The following ADAMTSL1 variants were observed in gnomAD, a reference collection of about 807,000 sequenced individuals.
The protein encoded by ADAMTSL1 is ADAMTS like 1, also known as ADAMTS-like protein 1.
A neutral mutation model predicts 201.8 loss-of-function variants in ADAMTSL1; 126 were observed. That is an observed-to-expected ratio of 0.62 (90% CI 0.54 to 0.72). The LOEUF (loss-of-function observed/expected upper bound fraction) is 0.72, where lower values mean the gene tolerates loss of function less well. ADAMTSL1 is among the 30% of genes least tolerant of loss of function. The pLI, the probability that ADAMTSL1 is intolerant of heterozygous loss-of-function variation, is 0.00. For synonymous variants in ADAMTSL1, 1,121 were observed against 903.4 expected (o/e 1.24, Z -4.32); for missense variants, 2,679 against 2,277.8 (o/e 1.18, Z -3.59).
At chr9:18,654,646 T>C (rs578222128) in intron 7 of ADAMTSL1, among the ~76,000 whole-genome samples, 1 of 152,334 alleles carries the variant, frequency 6.6e-6, no homozygotes, top group Admixed American at 6.5e-5. Context: ...TTTATTATTG[T>C]TGCATATCTT....
At chr9:18,015,913 C>T (rs1017899488) in intron 1 of ADAMTSL1, among the ~76,000 whole-genome samples, 1 of 152,004 alleles carries the variant, frequency 6.6e-6, no homozygotes, top group Non-Finnish European at 1.5e-5. Context: ...TATTGCCATA[C>T]CCTTTCTCCA....
chr9:18,391,170 C>G (rs533408136), intron 2 of ADAMTSL1, among the ~76,000 whole-genome samples: 1 of 152,118 alleles, frequency 6.6e-6, no homozygotes, highest in Non-Finnish European at 1.5e-5. Context: ...ACCTAAAACA[C>G]TGGGGACACT....
chr9:18,651,476 A>G (rs548803717), intron 7 of ADAMTSL1: 7 of 152,388 alleles, frequency 4.6e-5, no homozygotes, highest in Admixed American at 2.6e-4. Context: ...TGATCGATGA[A>G]TATCTAAGCT....
intron 2 of ADAMTSL1, among the ~76,000 whole-genome samples, chr9:18,451,797 T>C (rs533066524): frequency 1.9e-4 from 29 of 152,346 alleles, no homozygotes; most frequent in African/African-American, 6.7e-4. Flanking sequence ...CTTACAGTTC[T>C]AGAGGCTGGG....
intron 1 of ADAMTSL1, among the ~76,000 whole-genome samples, chr9:17,999,881 T>C (rs1339206715): frequency 6.7e-6 from 1 of 150,000 alleles, no homozygotes; most frequent in Non-Finnish European, 1.5e-5. Flanking sequence ...TGCGACAGTT[T>C]ACTGAGAATG....
intron 3 of ADAMTSL1, among the ~76,000 whole-genome samples, chr9:18,559,350 A>C (rs563916348): frequency 1.3e-5 from 2 of 151,974 alleles, no homozygotes; most frequent in African/African-American, 4.8e-5. Context: ...GCCTCTGTTC[A>C]GTTCCATTGG....
chr9:18,080,179 G>C (rs1400798513), intron 1 of ADAMTSL1, among the ~76,000 whole-genome samples: 2 of 152,204 alleles, frequency 1.3e-5, no homozygotes, highest in African/African-American at 2.4e-5. Context: ...GGAAATAGAT[G>C]AGAGGACTGA....
At chr9:18,656,910 G>T (rs1326374626) in intron 7 of ADAMTSL1, among the ~76,000 whole-genome samples, 4 of 151,518 alleles carry the variant, frequency 2.6e-5, no homozygotes, top group African/African-American at 9.7e-5. Context: ...GAACCATTAA[G>T]GACTTGTCTC....
At chr9:18,889,431 G>T in intron 24 of ADAMTSL1, 137 bp from the exon 25 acceptor site, 1 of 916,970 alleles carries the variant, frequency 1.1e-6, no homozygotes, top group Non-Finnish European at 1.6e-6. Flanking sequence ...GAGGAGCAGG[G>T]CCTCATTTAT....
intron 22 of ADAMTSL1, among the ~76,000 whole-genome samples, chr9:18,828,658 A>ATAT (rs1563835836): frequency 7.3e-5 from 4 of 54,436 alleles, no homozygotes; most frequent in African/African-American, 2.9e-4. Flanking sequence ...TTGAAAGTAT[A>ATAT]TTTATATATA....
At chr9:18,693,642 G>C (rs1016081640) in intron 13 of ADAMTSL1, among the ~76,000 whole-genome samples, 9 of 152,182 alleles carry the variant, frequency 5.9e-5, no homozygotes, top group Non-Finnish European at 1.3e-4. Context: ...ACAGTACCAA[G>C]TCAATCATAA....
At chr9:18,484,047 T>C (rs1475407225) in intron 1 of ADAMTSL1, among the ~76,000 whole-genome samples, 1 of 152,226 alleles carries the variant, frequency 6.6e-6, no homozygotes, top group Non-Finnish European at 1.5e-5. Flanking sequence ...TATGGGATCT[T>C]GCATGTAGCA....
At chr9:18,352,851 T>G (rs942056450) in intron 2 of ADAMTSL1, among the ~76,000 whole-genome samples, 1 of 152,244 alleles carries the variant, frequency 6.6e-6, no homozygotes, top group African/African-American at 2.4e-5. Context: ...CAAAGTCTGT[T>G]AGATATCTTG....
intron 1 of ADAMTSL1, among the ~76,000 whole-genome samples, chr9:18,084,532 G>A (rs1236910547): frequency 2.0e-5 from 3 of 147,686 alleles, no homozygotes; most frequent in African/African-American, 7.7e-5. Flanking sequence ...AAAAAAAAAA[G>A]AAAAGAAAAA....
intron 1 of ADAMTSL1, among the ~76,000 whole-genome samples, chr9:17,995,038 C>G (rs1293148261): frequency 1.3e-5 from 2 of 152,150 alleles, no homozygotes; most frequent in East Asian, 1.9e-4. Context: ...TTCTCACAGT[C>G]AGAACGTGTG....
chr9:18,846,825 A>G (rs747650240), intron 23 of ADAMTSL1, among the ~76,000 whole-genome samples: 1 of 152,238 alleles, frequency 6.6e-6, no homozygotes, highest in African/African-American at 2.4e-5. Context: ...TGGTAAATAG[A>G]TTAACATGAG....
At chr9:18,559,728 C>T (rs983918900) in intron 3 of ADAMTSL1, among the ~76,000 whole-genome samples, 5 of 152,076 alleles carry the variant, frequency 3.3e-5, no homozygotes, top group Non-Finnish European at 7.4e-5. Flanking sequence ...CTTCACATCC[C>T]TTGTAAGTTA....
rs59591016 is a variant in ADAMTSL1 at position 18,660,960 on chromosome 9, G to A, written c.947-975G>A. Among the ~76,000 whole-genome samples, 1,220 of 152,134 alleles carry A rather than the reference G, an allele frequency of 8.0e-3. 14 individuals carry two copies. Among genetic ancestry groups the A allele is most frequent in the African/African-American group, 0.028 (1,141 of 41,478 alleles). The stretch of plus-strand genomic sequence containing the variant: ...TGATTTAAATCTTGCTTCCTAATAT[G>A]TATTTAGCAATAACCGTGTTCAACC... On this transcript the variant is annotated intron_variant, in intron 8 of 28. Coordinates refer to ENST00000380548, the MANE Select transcript of ADAMTSL1 (RefSeq NM_001040272.6).
chr9:18,386,498 C>T (rs1484773567), intron 2 of ADAMTSL1, among the ~76,000 whole-genome samples: 1 of 152,144 alleles, frequency 6.6e-6, no homozygotes, highest in Non-Finnish European at 1.5e-5. Context: ...TAAAATGTTT[C>T]TCTCCTTTCT....
Sources: allele counts gnomAD v4.1 joint callset (sites outside exome capture counted in the v4.1 genomes callset), GRCh38; gene constraint gnomAD v4.1.1; transcripts MANE v1.5; gene names NCBI Gene and HGNC (gene_info 2026-07-23, HGNC 2026-07-21).